Variants in SLC25A20 observed in about 807,000 individuals in gnomAD.
SLC25A20 encodes the protein solute carrier family 25 member 20.
In SLC25A20, 29 loss-of-function variants were observed where a neutral mutation model predicts 39.7. The ratio of observed to expected loss-of-function variants is 0.73; its 90% CI spans 0.54 to 1.00. The LOEUF is 1.00. Ranked by LOEUF, SLC25A20 falls within the 50% of genes least tolerant of loss-of-function variation. The probability of loss-of-function intolerance (pLI) is 0.00; values close to 1 mark genes in which losing one functional copy is unlikely to be tolerated. For synonymous variants in SLC25A20, 103 were observed against 142.2 expected (o/e 0.72, Z 1.96); for missense variants, 333 against 379.9 (o/e 0.88, Z 1.03).
rs1220224923 is a variant in SLC25A20, at chr3:48,896,140, C to CAA, written c.105+2548_105+2549dup. On this transcript the variant is annotated intron_variant, in intron 1 of 8. Transcript: ENST00000319017. Reference sequence around the variant, plus strand: ...GGGTGACAGAGGGAGAGTCTTGTCTCAAAAAAAAAAAAAAAAAAAATTCTG... The same window carrying CAA: ...GGGTGACAGAGGGAGAGTCTTGTCTCAAAAAAAAAAAAAAAAAAAAAATTCTG... 4.9e-3 allele frequency among the ~76,000 whole-genome samples: 342 copies of CAA among 69,746 alleles called. 4 individuals are homozygous for CAA. The highest frequency in any genetic ancestry group is 0.017 in the African/African-American group (317 of 19,056). The allele number at this position is 69,746 out of a possible 152,430, so 45.8% of individuals were successfully genotyped here.
intron 4 of SLC25A20, among the ~76,000 whole-genome samples, chr3:48,873,306 G>A (rs556502225): frequency 6.6e-5 from 10 of 151,496 alleles, no homozygotes; most frequent in African/African-American, 2.4e-4. Context: ...GATCGCTTGA[G>A]GCCAGTTCAA....
chr3:48,871,062 G>A (rs896372028), intron 4 of SLC25A20, among the ~76,000 whole-genome samples: 1 of 152,016 alleles, frequency 6.6e-6, no homozygotes, highest in South Asian at 2.1e-4. Flanking sequence ...CTGGCCTCAT[G>A]TGATCCACCT....
chr3:48,898,848 A>G lies in SLC25A20; in HGVS notation c.-54T>C. 5 of 1,517,952 alleles carry G rather than the reference A, an allele frequency of 3.3e-6. No individual in the cohort carries two copies. Among genetic ancestry groups the G allele is most frequent in the Non-Finnish European group, 4.5e-6 (5 of 1,117,238 alleles). The allele number at this position is 1,517,952 out of a possible 1,614,324, so 94.0% of individuals were successfully genotyped here. On this transcript the variant is annotated 5_prime_UTR_variant, in exon 1 of 9. Transcript: ENST00000319017. The stretch of plus-strand genomic sequence containing the variant: ...AGTTCTCGGGCCGTCCTGGCTTCTC[A>G]GCCCCAGCTGCAGTGCCGGCGCCGC...
At chr3:48,866,545 C>T (rs1405431019) in intron 4 of SLC25A20, among the ~76,000 whole-genome samples, 1 of 151,612 alleles carries the variant, frequency 6.6e-6, no homozygotes, top group African/African-American at 2.4e-5. Flanking sequence ...CAGAACAAGA[C>T]TCCATCTCAA....
chr3:48,892,534 T>C (rs2083884846), intron 1 of SLC25A20, among the ~76,000 whole-genome samples: 1 of 152,180 alleles, frequency 6.6e-6, no homozygotes, highest in Non-Finnish European at 1.5e-5. Flanking sequence ...AGTCCCAAGA[T>C]CTGTAGTCGG....
intron 2 of SLC25A20, among the ~76,000 whole-genome samples, chr3:48,891,072 G>T (rs1263978412): frequency 6.6e-6 from 1 of 152,010 alleles, no homozygotes; most frequent in African/African-American, 2.4e-5. Flanking sequence ...TCTCTGTCTT[G>T]TGTCTTTATT....
In SLC25A20 at chr3:48,887,447, C is replaced by G. The variant is rs563826814; in HGVS notation, c.199-3323G>C. The stretch of plus-strand genomic sequence containing the variant: ...CCAGGACCCAGCACATTGCCCACCC[C>G]TAGGCAGGTGTTCAATAACGTCTAA... On this transcript the variant is annotated intron_variant, in intron 2 of 8. Transcript: ENST00000319017. 3.6e-4 allele frequency among the ~76,000 whole-genome samples: 55 copies of G among 152,312 alleles called. 1 individual carries two copies. In the Middle Eastern group the frequency reaches 0.01, roughly 28 times the overall value.
At chr3:48,887,685 C>A (rs1021016753) in intron 2 of SLC25A20, among the ~76,000 whole-genome samples, 1 of 152,118 alleles carries the variant, frequency 6.6e-6, no homozygotes, top group African/African-American at 2.4e-5. Flanking sequence ...GGGCAGATCA[C>A]GAAGTCAGGA....
chr3:48,881,883 T>G (rs2106656134), intron 3 of SLC25A20, among the ~76,000 whole-genome samples: 1 of 152,308 alleles, frequency 6.6e-6, no homozygotes, highest in East Asian at 1.9e-4. Context: ...TCAGGACACT[T>G]GCAGCTATTT....
At chr3:48,897,560 G>T (rs1195525368) in intron 1 of SLC25A20, among the ~76,000 whole-genome samples, 1 of 151,798 alleles carries the variant, frequency 6.6e-6, no homozygotes, top group Non-Finnish European at 1.5e-5. Context: ...TTGATTTCAT[G>T]TTGCACAATG....
At chr3:48,881,997 G>T (rs1011717598) in intron 3 of SLC25A20, among the ~76,000 whole-genome samples, 2 of 152,186 alleles carry the variant, frequency 1.3e-5, no homozygotes, top group Admixed American at 1.3e-4. Flanking sequence ...GCCTGCTGTG[G>T]CCTGAAGTGG....
At chr3:48,877,012 C>A (rs2083763331) in intron 4 of SLC25A20, among the ~76,000 whole-genome samples, 1 of 152,038 alleles carries the variant, frequency 6.6e-6, no homozygotes, top group African/African-American at 2.4e-5. Flanking sequence ...AGGAGAATCG[C>A]TTGAAGCCAG....
chr3:48,857,888 C>T, intron 8 of SLC25A20, 116 bp from the exon 9 acceptor site: 1 of 820,828 alleles, frequency 1.2e-6, no homozygotes, highest in Non-Finnish European at 2.1e-6. Flanking sequence ...AACCCCACAC[C>T]CACTCCACAT....
At chr3:48,881,273 C>G (rs1237870839) in intron 3 of SLC25A20, among the ~76,000 whole-genome samples, 1 of 152,200 alleles carries the variant, frequency 6.6e-6, no homozygotes, top group Non-Finnish European at 1.5e-5. Flanking sequence ...AGTCCCAGTT[C>G]ACATGGCTAT....
intron 4 of SLC25A20, among the ~76,000 whole-genome samples, chr3:48,865,160 GCT>G (rs1029416606): frequency 6.7e-6 from 1 of 150,102 alleles, no homozygotes; most frequent in Non-Finnish European, 1.5e-5. Context: ...ACGGAGTCTT[GCT>G]CTGTCACCAG....
chr3:48,889,355 A>G (rs1345553164), intron 2 of SLC25A20, among the ~76,000 whole-genome samples: 1 of 151,688 alleles, frequency 6.6e-6, no homozygotes, highest in East Asian at 1.9e-4. Context: ...ATGCCACTGT[A>G]GTCAAGCCTG....
chr3:48,883,986 T>C lies in SLC25A20; in HGVS notation c.326+11A>G, dbSNP rs2083812778. Reference sequence around the variant, plus strand: ...CAGAACAGCAAGTGCTCCTGACCTGTAAGTACTCACCTGAGCACATCTTCT... The same window carrying C: ...CAGAACAGCAAGTGCTCCTGACCTGCAAGTACTCACCTGAGCACATCTTCT... On this transcript the variant is annotated intron_variant, in intron 3 of 8. Coordinates refer to ENST00000319017, the MANE Select transcript of SLC25A20 (RefSeq NM_000387.6). 6.2e-7 allele frequency: 1 copy of C among 1,613,008 alleles called. No homozygotes were observed. Among genetic ancestry groups the C allele is most frequent in the Non-Finnish European group, 8.5e-7 (1 of 1,179,326 alleles).
At chr3:48,871,994 T>TG (rs1389894470) in intron 4 of SLC25A20, among the ~76,000 whole-genome samples, 101 of 140,210 alleles carry the variant, frequency 7.2e-4, no homozygotes, top group African/African-American at 2.5e-3. Flanking sequence ...TTTTTTTTTT[T>TG]TTTTTTTTTT....
chr3:48,886,421 G>C (rs2083829230), intron 2 of SLC25A20, among the ~76,000 whole-genome samples: 1 of 151,936 alleles, frequency 6.6e-6, no homozygotes. Flanking sequence ...CTACTCAGGA[G>C]GCTGAGGCAG....
Sources: gnomAD v4.1 joint callset for allele counts (sites outside exome capture counted in the v4.1 genomes callset) on GRCh38, gnomAD v4.1.1 for gene constraint, MANE v1.5 for transcripts, NCBI Gene and HGNC (gene_info 2026-07-23, HGNC 2026-07-21) for gene names.